The following PTPN13 variants were observed in gnomAD, a reference collection of about 807,000 sequenced individuals.
The protein encoded by PTPN13 is protein tyrosine phosphatase non-receptor type 13, also known as tyrosine-protein phosphatase non-receptor type 13.
Under a neutral mutation model 284.0 loss-of-function variants are expected in PTPN13, and 191 were observed. The ratio of observed to expected loss-of-function variants is 0.67; its 90% CI spans 0.60 to 0.76. PTPN13 has a LOEUF of 0.76. Among genes scored for constraint, PTPN13 ranks in the 30% least tolerant of loss-of-function variants. The pLI, the probability that PTPN13 is intolerant of heterozygous loss-of-function variation, is 0.00. For synonymous variants in PTPN13, 986 were observed against 1,022.3 expected, an observed-to-expected ratio of 0.96 and a Z score of 0.68; for missense variants, 2,797 against 2,939.9, an observed-to-expected ratio of 0.95 and a Z score of 1.12.
chr4:86,708,748 G>C, intron 7 of PTPN13, among the ~76,000 whole-genome samples: 1 of 151,928 alleles, frequency 6.6e-6, no homozygotes, highest in African/African-American at 2.4e-5. Context: ...TCTCTCTGCC[G>C]TGCAAGTTTG....
rs953926321 is a variant in PTPN13, at chr4:86,732,334, T to G, written c.1609-66T>G. 5 of 1,273,202 alleles carry G rather than the reference T, an allele frequency of 3.9e-6. No individual in the cohort carries two copies. The Admixed American group carries it at 1.2e-4, about 32-fold the overall frequency. 78.9% of individuals were successfully genotyped at this position (1,273,202 alleles called of 1,614,324 possible). On this transcript the variant is annotated intron_variant, in intron 10 of 47. Coordinates refer to ENST00000411767, the MANE Select transcript of PTPN13 (RefSeq NM_080683.3). ...TGTAATTTATTATTCTTACATTATT[T>G]TTCCTTTCAAGGAAAAAACTAGAAT... is the stretch of plus-strand genomic sequence containing the variant.
intron 6 of PTPN13, among the ~76,000 whole-genome samples, chr4:86,696,860 T>C (rs1730645613): frequency 6.6e-6 from 1 of 152,002 alleles, no homozygotes; most frequent in Non-Finnish European, 1.5e-5. Context: ...AATACTGAAA[T>C]AATAGTCTTA....
chr4:86,734,583 C>G, intron 13 of PTPN13, 127 bp downstream of exon 13: 1 of 1,262,706 alleles, frequency 7.9e-7, no homozygotes, highest in Non-Finnish European at 1.1e-6. Context: ...AGTAATATTT[C>G]TTTCAACACA....
intron 40 of PTPN13, among the ~76,000 whole-genome samples, chr4:86,789,642 C>T: frequency 6.6e-6 from 1 of 152,052 alleles, no homozygotes; most frequent in Non-Finnish European, 1.5e-5. Context: ...TGTAAAATAA[C>T]CTTCAAAGGG....
chr4:86,757,100 C>T (rs749596945), intron 20 of PTPN13, among the ~76,000 whole-genome samples: 2 of 152,036 alleles, frequency 1.3e-5, no homozygotes, highest in South Asian at 2.1e-4. Context: ...GCTTGAATTG[C>T]GAAGTAGATG....
chr4:86,704,574 C>T (rs1172156197), intron 7 of PTPN13, among the ~76,000 whole-genome samples: 1 of 152,042 alleles, frequency 6.6e-6, no homozygotes, highest in East Asian at 1.9e-4. Flanking sequence ...ATACATAATT[C>T]TTGTAGAGCC....
In PTPN13 at chr4:86,672,466, A is replaced by G; in HGVS notation, c.217A>G (p.Asn73Asp). The G allele has an allele frequency of 1.9e-6, 3 of 1,596,872 alleles. No homozygotes were observed. Among genetic ancestry groups the G allele is most frequent in the Non-Finnish European group, 2.6e-6 (3 of 1,170,984 alleles). The stretch of plus-strand genomic sequence containing the variant: ...GTCATTTACAGATGAAAATATTTCC[A>G]ATCAGGATCTTCGAGCATTCACTGC... ...SVSFTDENIS[N>D]QDLRAFTAPE... The change falls in exon 3 of 48, where the codon AAT becomes GAT. Residue 73 changes from asparagine (N) to aspartate (D), a missense_variant. Physicochemically the swap from Asn to Asp is conservative, Grantham distance 23. Transcript: ENST00000411767.
rs1763395969 is a variant in PTPN13, at chr4:86,594,469, G to A, written c.-326G>A. On this transcript the variant is annotated 5_prime_UTR_variant, in exon 1 of 48. Transcript: ENST00000411767. ...GGAGTTGAGCCGCCCGCGCCAGAAG[G>A]TTTTGGCGAAGCTCTTGGAGAGGCG... 6.6e-6 allele frequency: 1 copy of A among 152,444 alleles called. No individual in the cohort carries two copies. The highest frequency in any genetic ancestry group is 2.4e-5 in the African/African-American group (1 of 41,462). The allele number at this position is 152,444 out of a possible 1,614,324, so 9.4% of individuals were successfully genotyped here.
Position 86,635,352 on chromosome 4 carries a change from C to T in PTPN13, c.96C>T (p.Leu32=). 1 of 1,600,010 alleles carries T rather than the reference C, an allele frequency of 6.2e-7. No individual in the cohort carries two copies. The highest frequency in any genetic ancestry group is 8.5e-7 in the Non-Finnish European group (1 of 1,173,330). ...WAVLNQSAES[L]QELFRKVSLA... Reference sequence around the variant, plus strand: ...TATTAAATCAAAGTGCTGAAAGTCTCCAAGAATTATTCAGAAAAGGTAAGC... The same window carrying T: ...TATTAAATCAAAGTGCTGAAAGTCTTCAAGAATTATTCAGAAAAGGTAAGC... Residue 32 remains leucine, a synonymous_variant, in exon 2 of 48, where the codon CTC becomes CTT. Coordinates refer to ENST00000411767, the MANE Select transcript of PTPN13 (RefSeq NM_080683.3).
chr4:86,673,080 A>G lies in PTPN13; in HGVS notation c.294+537A>G, dbSNP rs146324376. Among the ~76,000 whole-genome samples the G allele has an allele frequency of 1.3e-3, 198 of 152,286 alleles. 1 individual carries two copies. Among genetic ancestry groups the G allele is most frequent in the Admixed American group, 2.2e-3 (34 of 15,300 alleles). On this transcript the variant is annotated intron_variant, in intron 3 of 47. Coordinates refer to ENST00000411767, the MANE Select transcript of PTPN13 (RefSeq NM_080683.3). ...ATTCCTATGAGAATCTAATGCCAAC[A>G]TTGATCTGACAGGAGGCAGAGCTCA...
chr4:86,640,622 A>G (rs1412820304), intron 2 of PTPN13, among the ~76,000 whole-genome samples: 1 of 152,108 alleles, frequency 6.6e-6, no homozygotes, highest in Non-Finnish European at 1.5e-5. Flanking sequence ...GAGAGAGAAT[A>G]CCTCTTTTTA....
At chr4:86,784,336 G>C (rs1368111088) in intron 37 of PTPN13, 129 bp from the exon 38 acceptor site, 12 of 612,984 alleles carry the variant, frequency 2.0e-5, no homozygotes, top group Non-Finnish European at 3.4e-5. Context: ...TTCAAACACT[G>C]ATCTAAGGTG....
intron 24 of PTPN13, 139 bp downstream of exon 24, chr4:86,763,329 T>C (rs1420724753): frequency 1.3e-6 from 1 of 746,324 alleles, no homozygotes; most frequent in Non-Finnish European, 2.2e-6. Flanking sequence ...TAATTGCTAC[T>C]GCATTTGATG....
At chr4:86,727,518 G>A (rs111718774) in intron 10 of PTPN13, among the ~76,000 whole-genome samples, 34,236 of 148,548 alleles carry the variant, frequency 0.23, 5,706 homozygotes, top group East Asian at 0.29. Context: ...TCAGAGATTT[G>A]ACTTCTTCAT....
chr4:86,703,366 T>C (rs1731369834), intron 7 of PTPN13, among the ~76,000 whole-genome samples: 1 of 152,000 alleles, frequency 6.6e-6, no homozygotes, highest in Non-Finnish European at 1.5e-5. Context: ...TATATGAACA[T>C]TAATTTAGTC....
chr4:86,612,809 G>A (rs1364120060), intron 1 of PTPN13, among the ~76,000 whole-genome samples: 5 of 152,142 alleles, frequency 3.3e-5, no homozygotes, highest in African/African-American at 7.2e-5. Flanking sequence ...ACAAGAAGAA[G>A]GCATAGTGAC....
At chr4:86,698,046 A>G (rs147335826) in intron 6 of PTPN13, among the ~76,000 whole-genome samples, 188 of 152,300 alleles carry the variant, frequency 1.2e-3, no homozygotes, top group African/African-American at 4.1e-3. Context: ...TTAGCAAGCT[A>G]TGCATTCTCC....
intron 1 of PTPN13, among the ~76,000 whole-genome samples, chr4:86,633,759 G>A (rs1722719338): frequency 6.6e-6 from 1 of 152,102 alleles, no homozygotes; most frequent in Non-Finnish European, 1.5e-5. Flanking sequence ...TCATGTAGAA[G>A]ATAACTCACA....
intron 6 of PTPN13, among the ~76,000 whole-genome samples, chr4:86,698,595 G>A (rs981373703): frequency 6.6e-6 from 1 of 152,154 alleles, no homozygotes; most frequent in Non-Finnish European, 1.5e-5. Flanking sequence ...CAAAGACTAA[G>A]AATGAGCAGT....
Sources: allele counts gnomAD v4.1 joint callset (sites outside exome capture counted in the v4.1 genomes callset), GRCh38; gene constraint gnomAD v4.1.1; transcripts MANE v1.5; gene names NCBI Gene and HGNC (gene_info 2026-07-23, HGNC 2026-07-21).